ANAPC5: variants seen among roughly 807,000 people sequenced by gnomAD.
The protein encoded by ANAPC5 is anaphase promoting complex subunit 5.
Under a neutral mutation model 91.3 loss-of-function variants are expected in ANAPC5, and 60 were observed. That is an observed-to-expected ratio of 0.66 (90% CI 0.53 to 0.81). The LOEUF (loss-of-function observed/expected upper bound fraction) is 0.81. Among genes scored for constraint, ANAPC5 ranks in the 40% least tolerant of loss-of-function variants. ANAPC5 has a pLI of 0.00. For synonymous variants in ANAPC5, 340 were observed against 364.1 expected, an observed-to-expected ratio of 0.93 and a Z score of 0.75; for missense variants, 690 against 931.5, an observed-to-expected ratio of 0.74 and a Z score of 3.37.
intron 7 of ANAPC5, chr12:121,334,685 G>A (rs1403178283): frequency 2.6e-5 from 4 of 152,182 alleles, no homozygotes; most frequent in Non-Finnish European, 5.9e-5. Flanking sequence ...AGTGTCACCT[G>A]ACTGAGCAGC....
At chr12:121,340,981 A>C (rs1903435113) in intron 5 of ANAPC5, among the ~76,000 whole-genome samples, 1 of 152,136 alleles carries the variant, frequency 6.6e-6, no homozygotes. Flanking sequence ...AACACAGAAA[A>C]ATGTTCAGAT....
Position 121,317,252 on chromosome 12 carries a change from ACTTT to A in ANAPC5, c.1893+1021_1893+1024del, listed in dbSNP as rs1902403740. Among the ~76,000 whole-genome samples, 4 of 149,070 alleles carry A rather than the reference ACTTT, an allele frequency of 2.7e-5. No homozygotes were observed. In the Admixed American group the frequency reaches 2.7e-4, roughly 10 times the overall value. The stretch of plus-strand genomic sequence containing the variant: ...TAAAGTGGTAAATCTTGTGTTACAT[ACTTT>A]TTTTTTTTTTTTTTGAGATGGAGTC... On this transcript the variant is annotated intron_variant, in intron 15 of 16. Coordinates refer to ENST00000261819, the MANE Select transcript of ANAPC5 (RefSeq NM_016237.5).
chr12:121,342,156 C>T lies in ANAPC5; in HGVS notation c.591-87G>A, dbSNP rs553402218. On this transcript the variant is annotated intron_variant, in intron 4 of 16. Transcript: ENST00000261819. The surrounding 1 kb of genome is among the most constrained non-coding windows in gnomAD (Gnocchi z 4.1). ...TATAAAATCAGATGGATTCTTGTATCGAAAGAGTTCAAAAAATTTAACTCT... is the reference window on the plus strand; with the variant it reads ...TATAAAATCAGATGGATTCTTGTATTGAAAGAGTTCAAAAAATTTAACTCT... 2.0e-5 allele frequency: 20 copies of T among 1,000,082 alleles called. No homozygotes were observed. The highest frequency in any genetic ancestry group is 1.2e-4 in the South Asian group (8 of 64,652). 62.0% of individuals were successfully genotyped at this position (1,000,082 alleles called of 1,614,324 possible). A position where few individuals can be genotyped will look rare whatever the true frequency, so the allele number is the denominator to read the frequency against.
upstream of ANAPC5, among the ~76,000 whole-genome samples, chr12:121,353,135 C>A (rs1555275681): frequency 6.6e-6 from 1 of 152,122 alleles, no homozygotes; most frequent in Non-Finnish European, 1.5e-5. Flanking sequence ...TGTATCCTTA[C>A]GTGAAATAGA....
chr12:121,347,305 G>GA (rs1319006694), intron 2 of ANAPC5: 2 of 345,350 alleles, frequency 5.8e-6, no homozygotes, highest in African/African-American at 2.2e-5. Flanking sequence ...AAAATTTGGG[G>GA]AAAAAAGCTA....
chr12:121,315,527 C>A (rs1352218767), intron 15 of ANAPC5, among the ~76,000 whole-genome samples: 1 of 152,182 alleles, frequency 6.6e-6, no homozygotes, highest in Non-Finnish European at 1.5e-5. Flanking sequence ...GATTTCAAAA[C>A]TTACTACAAA....
At chr12:121,325,511 A>ATTAAAAAT (rs140166955) in intron 11 of ANAPC5, among the ~76,000 whole-genome samples, 2 of 151,298 alleles carry the variant, frequency 1.3e-5, no homozygotes, top group Admixed American at 6.6e-5. Context: ...AAAATTAAAA[A>ATTAAAAAT]AAAAAAAGAA....
Position 121,347,829 on chromosome 12 carries a change from G to A in ANAPC5, c.260C>T (p.Pro87Leu), listed in dbSNP as rs1903728215. ...KLYKLIEESCPQLANSVQIRI... is the reference protein window; with the variant it reads ...KLYKLIEESCLQLANSVQIRI... ...GATCTGCACTGAATTTGCCAGCTGT[G>A]GACAAGACTCTTCAATTAACTTGTA... Residue 87 changes from proline to leucine, a missense_variant, in exon 2 of 17, where the codon CCA becomes CTA. Physicochemically the swap from Pro to Leu is moderately conservative, Grantham distance 98. Coordinates refer to ENST00000261819, the MANE Select transcript of ANAPC5 (RefSeq NM_016237.5). The A allele has an allele frequency of 6.2e-7, 1 of 1,613,684 alleles. No individual in the cohort carries two copies. The highest frequency in any genetic ancestry group is 8.5e-7 in the Non-Finnish European group (1 of 1,179,688).
At position 121,312,263 on chromosome 12, in the gene ANAPC5, T is replaced by C. The variant is rs188723500; in HGVS notation, c.1894-2400A>G. Among the ~76,000 whole-genome samples, 922 of 152,142 alleles carry C rather than the reference T, an allele frequency of 6.1e-3. 7 individuals carry two copies. The highest frequency in any genetic ancestry group is 0.022 in the African/African-American group (896 of 41,504). On this transcript the variant is annotated intron_variant, in intron 15 of 16. Coordinates refer to ENST00000261819, the MANE Select transcript of ANAPC5 (RefSeq NM_016237.5). The stretch of plus-strand genomic sequence containing the variant: ...AAATTAGAAAATGCAATGAGGTGTA[T>C]AAAAATACCACAGACTCTGGCTGGG...
At chr12:121,335,955 A>C (rs1903220671) in intron 6 of ANAPC5, among the ~76,000 whole-genome samples, 1 of 152,194 alleles carries the variant, frequency 6.6e-6, no homozygotes, top group Admixed American at 6.5e-5. Context: ...TATTTGTGTC[A>C]GTTTTATCTC....
upstream of ANAPC5, chr12:121,352,569 T>G: frequency 2.0e-6 from 1 of 490,462 alleles, no homozygotes; most frequent in Admixed American, 3.7e-5. Context: ...ACCAAAAGAC[T>G]GACTCCCTAC....
intron 1 of ANAPC5, among the ~76,000 whole-genome samples, chr12:121,348,300 C>T (rs1170820225): frequency 6.6e-6 from 1 of 152,204 alleles, no homozygotes; most frequent in Admixed American, 6.5e-5. Flanking sequence ...TTTTCACAAA[C>T]ACAATCTCAT....
intron 5 of ANAPC5, among the ~76,000 whole-genome samples, chr12:121,340,753 G>C (rs1384690502): frequency 6.6e-6 from 1 of 151,410 alleles, no homozygotes; most frequent in East Asian, 2.0e-4. Flanking sequence ...GCAGAAACAG[G>C]GTTTCACCAT....
At chr12:121,328,082 C>A in intron 10 of ANAPC5, 1 of 446,094 alleles carries the variant, frequency 2.2e-6, no homozygotes, top group East Asian at 3.8e-5. Context: ...ATGGAGATCA[C>A]CCACCCATTA....
intron 11 of ANAPC5, among the ~76,000 whole-genome samples, chr12:121,322,600 TG>T (rs1902661767): frequency 6.6e-6 from 1 of 152,166 alleles, no homozygotes; most frequent in South Asian, 2.1e-4. Context: ...AAATCAATTA[TG>T]GTACATGAAA....
intron 5 of ANAPC5, among the ~76,000 whole-genome samples, chr12:121,339,868 G>GTTT (rs71079054): frequency 1.7e-4 from 18 of 104,534 alleles, no homozygotes; most frequent in Admixed American, 3.0e-4. Flanking sequence ...TTTTCTTCCA[G>GTTT]TTTTTTTTTT....
At chr12:121,326,991 G>T in intron 11 of ANAPC5, 105 bp downstream of exon 11, 2 of 1,402,978 alleles carry the variant, frequency 1.4e-6, no homozygotes, top group Non-Finnish European at 1.9e-6. Flanking sequence ...ACAGTGTCGA[G>T]CAGAACTGTC....
chr12:121,317,595 A>T (rs1444912191), intron 15 of ANAPC5, among the ~76,000 whole-genome samples: 1 of 152,108 alleles, frequency 6.6e-6, no homozygotes, highest in Non-Finnish European at 1.5e-5. Flanking sequence ...TCACTGAGGA[A>T]GGTAGTAAGA....
chr12:121,322,886 G>A (rs893368777), intron 11 of ANAPC5, among the ~76,000 whole-genome samples: 5 of 152,042 alleles, frequency 3.3e-5, no homozygotes, highest in East Asian at 3.9e-4. Flanking sequence ...TAAGCCGGGC[G>A]CAGTGGCAGG....
Sources: allele counts gnomAD v4.1 joint callset (sites outside exome capture counted in the v4.1 genomes callset), GRCh38; gene constraint gnomAD v4.1.1; non-coding constraint Gnocchi (gnomAD v3.1); transcripts MANE v1.5; gene names NCBI Gene and HGNC (gene_info 2026-07-23, HGNC 2026-07-21).